The following ERBB4 variants were observed in gnomAD, a reference collection of about 807,000 sequenced individuals.
ERBB4 encodes receptor tyrosine-protein kinase erbB-4.
A neutral mutation model predicts 158.0 loss-of-function variants in ERBB4; 42 were observed. The observed-to-expected ratio is 0.27, with a 90% CI of 0.21 to 0.34. ERBB4 has a LOEUF of 0.34. Among genes scored for constraint, ERBB4 ranks in the 10% least tolerant of loss-of-function variants. The pLI, the probability that ERBB4 is intolerant of heterozygous loss-of-function variation, is 1.00. For missense variants in ERBB4, 1,333 were observed against 1,624.1 expected, an observed-to-expected ratio of 0.82 and a Z score of 3.08; for synonymous variants, 583 against 558.7, an observed-to-expected ratio of 1.04 and a Z score of -0.61.
chr2:211,560,262 C>CTTTTTTTTTTTTTTTTTTTTTTTTT lies in ERBB4; in HGVS notation c.2487+1616_2487+1640dup, dbSNP rs769707072. On this transcript the variant is annotated intron_variant, in intron 20 of 27. Coordinates refer to ENST00000342788, the MANE Select transcript of ERBB4 (RefSeq NM_005235.3). Reference sequence around the variant, plus strand: ...CAGCACTAACAAATTTGAAGCTTAGCTTTTTTTTTTTTTTTTTTTTTTTTT... The same window carrying CTTTTTTTTTTTTTTTTTTTTTTTTT: ...CAGCACTAACAAATTTGAAGCTTAGCTTTTTTTTTTTTTTTTTTTTTTTTTTTTTTTTTTTTTTTTTTTTTTTTTT... Among the ~76,000 whole-genome samples, 5 of 46,312 alleles carry CTTTTTTTTTTTTTTTTTTTTTTTTT rather than the reference C, an allele frequency of 1.1e-4. 2 individuals carry two copies. The highest frequency in any genetic ancestry group is 3.8e-4 in the African/African-American group (4 of 10,454). 30.4% of individuals were successfully genotyped at this position (46,312 alleles called of 152,430 possible).
At chr2:212,409,120 A>G (rs1195437326) in intron 1 of ERBB4, among the ~76,000 whole-genome samples, 1 of 152,178 alleles carries the variant, frequency 6.6e-6, no homozygotes, top group African/African-American at 2.4e-5. Flanking sequence ...ATTTTAATTA[A>G]GTATCCATTT....
chr2:211,703,046 C>T (rs896889565), intron 11 of ERBB4, among the ~76,000 whole-genome samples: 4 of 151,970 alleles, frequency 2.6e-5, no homozygotes, highest in African/African-American at 9.7e-5. Context: ...GAGATCAAAG[C>T]TTTCCACTTT....
chr2:211,376,286 T>C lies in ERBB4; in HGVS notation c.*7329A>G, dbSNP rs375812176. 4.3e-5 allele frequency: 10 copies of C among 233,084 alleles called. No homozygotes were observed. In the East Asian group the frequency reaches 4.9e-4, roughly 11 times the overall value. 14.4% of individuals were successfully genotyped at this position (233,084 alleles called of 1,614,324 possible). A position where few individuals can be genotyped will look rare whatever the true frequency, so the allele number is the denominator to read the frequency against. On this transcript the variant is annotated 3_prime_UTR_variant, in exon 28 of 28. Transcript: ENST00000342788. ...AACAATCACAGGCCAATTACTTATA[T>C]ACAAATCAACCCTAAAGACAATTAT...
chr2:212,129,921 T>C (rs1345612172), intron 1 of ERBB4, among the ~76,000 whole-genome samples: 1 of 152,122 alleles, frequency 6.6e-6, no homozygotes, highest in African/African-American at 2.4e-5. Flanking sequence ...ATAAATTTTA[T>C]CTTGAAAGAC....
chr2:212,260,017 C>T (rs1280382144), intron 1 of ERBB4, among the ~76,000 whole-genome samples: 2 of 150,394 alleles, frequency 1.3e-5, no homozygotes, highest in Non-Finnish European at 2.9e-5. Context: ...TGCAGTGAAC[C>T]GAGATCGTGC....
At chr2:211,975,641 G>GA (rs1474236672) in intron 2 of ERBB4, among the ~76,000 whole-genome samples, 1 of 152,034 alleles carries the variant, frequency 6.6e-6, no homozygotes, top group African/African-American at 2.4e-5. Context: ...TACTAAGGAG[G>GA]ATATTCTTTG....
chr2:211,981,128 T>C (rs558599672), intron 2 of ERBB4, among the ~76,000 whole-genome samples: 1 of 152,236 alleles, frequency 6.6e-6, no homozygotes, highest in East Asian at 1.9e-4. Context: ...CAACCTGTGA[T>C]ACTCAGCAAT....
At chr2:211,575,472 T>C (rs1446300060) in intron 19 of ERBB4, among the ~76,000 whole-genome samples, 1 of 152,228 alleles carries the variant, frequency 6.6e-6, no homozygotes, top group Non-Finnish European at 1.5e-5. Context: ...GAAACTTAAA[T>C]TTGACTTCAA....
At chr2:211,788,747 G>A (rs2106320113) in intron 3 of ERBB4, among the ~76,000 whole-genome samples, 1 of 152,186 alleles carries the variant, frequency 6.6e-6, no homozygotes, top group East Asian at 1.9e-4. Flanking sequence ...GATTGTTTCA[G>A]TCAAGGTGAC....
chr2:212,213,155 G>A (rs2082991014), intron 1 of ERBB4, among the ~76,000 whole-genome samples: 1 of 152,002 alleles, frequency 6.6e-6, no homozygotes, highest in Non-Finnish European at 1.5e-5. Context: ...GAAAATTTTT[G>A]CAATCTACCC....
intron 2 of ERBB4, among the ~76,000 whole-genome samples, chr2:212,120,114 T>C (rs965970098): frequency 1.3e-5 from 2 of 152,162 alleles, no homozygotes; most frequent in African/African-American, 2.4e-5. Context: ...AATGAATGGT[T>C]CCCCAAATTA....
intron 3 of ERBB4, among the ~76,000 whole-genome samples, chr2:211,820,882 C>G (rs1015814871): frequency 1.3e-5 from 2 of 151,686 alleles, no homozygotes; most frequent in African/African-American, 4.8e-5. Context: ...TAAGAACTCT[C>G]AATAAATAAG....
intron 1 of ERBB4, among the ~76,000 whole-genome samples, chr2:212,430,436 G>GT (rs1236770285): frequency 2.5e-3 from 340 of 138,442 alleles, no homozygotes; most frequent in East Asian, 0.012. Flanking sequence ...TCGCATGTTG[G>GT]TTTTTTTTTT....
chr2:211,662,255 T>C (rs1196793432), intron 15 of ERBB4, among the ~76,000 whole-genome samples: 2 of 151,930 alleles, frequency 1.3e-5, no homozygotes, highest in Non-Finnish European at 2.9e-5. Context: ...AATGAGCACA[T>C]ACTCAAGTGA....
intron 16 of ERBB4, among the ~76,000 whole-genome samples, chr2:211,635,492 T>C (rs2070323460): frequency 6.6e-6 from 1 of 152,154 alleles, no homozygotes; most frequent in Admixed American, 6.5e-5. Context: ...ATTTGGACCA[T>C]GCTATTTCTC....
At chr2:212,145,670 T>A (rs2080641811) in intron 1 of ERBB4, among the ~76,000 whole-genome samples, 1 of 138,944 alleles carries the variant, frequency 7.2e-6, no homozygotes, top group Non-Finnish European at 1.5e-5. Context: ...ATTCAACAGC[T>A]AAGTGTACAG....
At position 211,673,069 on chromosome 2, in the gene ERBB4, T is replaced by C. The variant is rs1043727556; in HGVS notation, c.1716+95A>G. ...ATGTTTCCCCATGGCATCCTGTAAG[T>C]AGCTATTGAATGGATGAATAAATGA... is the stretch of plus-strand genomic sequence containing the variant. On this transcript the variant is annotated intron_variant, in intron 14 of 27. Coordinates refer to ENST00000342788, the MANE Select transcript of ERBB4 (RefSeq NM_005235.3). 70 of 963,886 alleles carry C rather than the reference T, an allele frequency of 7.3e-5. No individual in the cohort carries two copies. The South Asian group carries it at 9.1e-4, about 13-fold the overall frequency. The allele number at this position is 963,886 out of a possible 1,614,324, so 59.7% of individuals were successfully genotyped here. A position where few individuals can be genotyped will look rare whatever the true frequency, so the allele number is the denominator to read the frequency against.
At chr2:211,914,851 C>A (rs1464624665) in intron 3 of ERBB4, among the ~76,000 whole-genome samples, 1 of 151,908 alleles carries the variant, frequency 6.6e-6, no homozygotes, top group East Asian at 1.9e-4. Context: ...GATATTATTA[C>A]TATGTATATT....
chr2:212,107,397 T>G (rs146647953), intron 2 of ERBB4, among the ~76,000 whole-genome samples: 1 of 152,318 alleles, frequency 6.6e-6, no homozygotes, highest in East Asian at 1.9e-4. Context: ...TCCTTCATTT[T>G]GGGCAATTTC....
Sources: gnomAD v4.1 joint callset for allele counts (sites outside exome capture counted in the v4.1 genomes callset) on GRCh38, gnomAD v4.1.1 for gene constraint, MANE v1.5 for transcripts, NCBI Gene and HGNC (gene_info 2026-07-23, HGNC 2026-07-21) for gene names.